Variants in VOPP1 observed in about 807,000 individuals in gnomAD.
VOPP1 encodes VOPP1 WW domain binding protein.
A neutral mutation model predicts 23.5 loss-of-function variants in VOPP1; 8 were observed. The observed-to-expected ratio is 0.34, with a 90% CI of 0.20 to 0.61. VOPP1 has a LOEUF of 0.61. Ranked by LOEUF, VOPP1 falls within the 20% of genes least tolerant of loss-of-function variation. The pLI is 0.78. For synonymous variants in VOPP1, 83 were observed against 97.3 expected (o/e 0.85, Z 0.86); for missense variants, 174 against 238.1 (o/e 0.73, Z 1.77).
chr7:55,529,497 GCTAT>G (rs1483642395), intron 1 of VOPP1, among the ~76,000 whole-genome samples: 1 of 151,976 alleles, frequency 6.6e-6, no homozygotes, highest in Non-Finnish European at 1.5e-5. Flanking sequence ...TGAAAACTAT[GCTAT>G]CTTTTAAAAC....
chr7:55,565,300 C>A (rs943395974), intron 1 of VOPP1, among the ~76,000 whole-genome samples: 2 of 152,324 alleles, frequency 1.3e-5, no homozygotes, highest in Admixed American at 1.3e-4. Flanking sequence ...GATCTCTTTT[C>A]ACCAAGGACA....
intron 4 of VOPP1, among the ~76,000 whole-genome samples, chr7:55,489,601 T>C (rs572236644): frequency 8.5e-5 from 13 of 152,226 alleles, no homozygotes; most frequent in Admixed American, 2.6e-4. Context: ...GTGTCCAGGC[T>C]GTGCAGTGTT....
chr7:55,562,938 A>G (rs1281898848), intron 1 of VOPP1, among the ~76,000 whole-genome samples: 2 of 152,234 alleles, frequency 1.3e-5, no homozygotes, highest in Non-Finnish European at 2.9e-5. Flanking sequence ...CGGTCTGGGC[A>G]CATCACTCGG....
intron 2 of VOPP1, among the ~76,000 whole-genome samples, chr7:55,514,372 G>T (rs1054584005): frequency 1.3e-5 from 2 of 152,230 alleles, no homozygotes; most frequent in African/African-American, 4.8e-5. Flanking sequence ...GCCCAGAGAG[G>T]TTGGACATTT....
At chr7:55,481,907 C>A (rs566069318) in intron 4 of VOPP1, among the ~76,000 whole-genome samples, 1 of 152,276 alleles carries the variant, frequency 6.6e-6, no homozygotes, top group South Asian at 2.1e-4. Context: ...CTTCTACAAA[C>A]GTATTCGGAC....
intron 4 of VOPP1, among the ~76,000 whole-genome samples, chr7:55,489,580 A>G (rs902500727): frequency 2.0e-5 from 3 of 152,188 alleles, no homozygotes; most frequent in Admixed American, 6.5e-5. Flanking sequence ...TGCAGCGGTG[A>G]CTGAGGGCAG....
chr7:55,514,132 T>C (rs1795255392), intron 2 of VOPP1, among the ~76,000 whole-genome samples: 1 of 152,132 alleles, frequency 6.6e-6, no homozygotes, highest in African/African-American at 2.4e-5. Flanking sequence ...AAAGACTCAC[T>C]AGCTTGGAAG....
chr7:55,545,917 C>T (rs528728934), intron 1 of VOPP1, among the ~76,000 whole-genome samples: 4 of 151,214 alleles, frequency 2.6e-5, no homozygotes, highest in Non-Finnish European at 5.9e-5. Flanking sequence ...AAAAAAAATA[C>T]AAAAATTAGC....
chr7:55,467,345 T>C (rs712820), downstream of VOPP1, among the ~76,000 whole-genome samples: 46,796 of 152,134 alleles, frequency 0.31, 7,940 homozygotes, highest in East Asian at 0.52. Flanking sequence ...AGGAGACCTC[T>C]GGTCCCTGGC....
intron 1 of VOPP1, among the ~76,000 whole-genome samples, chr7:55,555,381 G>A (rs1373807260): frequency 6.6e-6 from 1 of 152,232 alleles, no homozygotes; most frequent in African/African-American, 2.4e-5. Context: ...AAGCTGGAAA[G>A]AACAACTACT....
intron 4 of VOPP1, among the ~76,000 whole-genome samples, chr7:55,479,736 C>A (rs1386274716): frequency 6.6e-6 from 1 of 152,184 alleles, no homozygotes; most frequent in Non-Finnish European, 1.5e-5. Context: ...AAAGTGCATA[C>A]TCAACAATTA....
At chr7:55,445,230 GACACAC>G (rs1215755419) in intron 4 of VOPP1, among the ~76,000 whole-genome samples, 1 of 132,970 alleles carries the variant, frequency 7.5e-6, no homozygotes, top group African/African-American at 3.3e-5. Context: ...CACACACACA[GACACAC>G]ACACACAGAC....
At chr7:55,534,157 G>A (rs7784224) in intron 1 of VOPP1, among the ~76,000 whole-genome samples, 31,866 of 146,242 alleles carry the variant, frequency 0.22, 3,695 homozygotes, top group African/African-American at 0.3. Flanking sequence ...ACGAGATGGA[G>A]AGAGAAAAGA....
At chr7:55,548,582 G>A (rs1775512852) in intron 1 of VOPP1, among the ~76,000 whole-genome samples, 1 of 152,252 alleles carries the variant, frequency 6.6e-6, no homozygotes, top group Non-Finnish European at 1.5e-5. Flanking sequence ...CAAACATGCT[G>A]TCTGCTCTAT....
chr7:55,552,798 C>A, intron 1 of VOPP1: 1 of 1,498,432 alleles, frequency 6.7e-7, no homozygotes, highest in Non-Finnish European at 8.9e-7. Flanking sequence ...TAGGAAACCT[C>A]CCATGGGCTG....
intron 2 of VOPP1, chr7:55,515,861 C>T: frequency 1.6e-6 from 1 of 639,570 alleles, no homozygotes; most frequent in Non-Finnish European, 1.9e-6. Flanking sequence ...GTCGGCAGCA[C>T]TTTCTGGACT....
At chr7:55,536,270 T>C (rs1343692022) in intron 1 of VOPP1, among the ~76,000 whole-genome samples, 1 of 152,210 alleles carries the variant, frequency 6.6e-6, no homozygotes, top group South Asian at 2.1e-4. Flanking sequence ...GGCTCACGCC[T>C]GTAATCCCAG....
chr7:55,571,398 C>T (rs1224585157), intron 1 of VOPP1, among the ~76,000 whole-genome samples: 3 of 152,208 alleles, frequency 2.0e-5, no homozygotes, highest in African/African-American at 4.8e-5. Context: ...GATTCATTAC[C>T]TATTTCTTTT....
chr7:55,483,461 G>C lies in VOPP1; in HGVS notation c.328+8821C>G, dbSNP rs539453339. Among the ~76,000 whole-genome samples, 3 of 152,214 alleles carry C rather than the reference G, an allele frequency of 2.0e-5. No individual in the cohort carries two copies. In the East Asian group the frequency reaches 5.8e-4, roughly 29 times the overall value. On this transcript the variant is annotated intron_variant, in intron 4 of 4. Coordinates refer to ENST00000285279, the MANE Select transcript of VOPP1 (RefSeq NM_030796.5). ...TTCCCTTCACTCAACCCTTCAGTAAGTTCCATGAACTCTGGGCCCAGGAAG... is the reference window on the plus strand; with the variant it reads ...TTCCCTTCACTCAACCCTTCAGTAACTTCCATGAACTCTGGGCCCAGGAAG...
Sources: gnomAD v4.1 joint callset for allele counts (sites outside exome capture counted in the v4.1 genomes callset) on GRCh38, gnomAD v4.1.1 for gene constraint, MANE v1.5 for transcripts, NCBI Gene and HGNC (gene_info 2026-07-23, HGNC 2026-07-21) for gene names.